WWC2: variants seen among roughly 807,000 people sequenced by gnomAD.
WWC2 encodes the protein WW and C2 domain containing 2.
A neutral mutation model predicts 138.5 loss-of-function variants in WWC2; 101 were observed. The observed-to-expected ratio is 0.73, with a 90% CI of 0.62 to 0.86. The LOEUF is 0.86. WWC2 is among the 40% of genes least tolerant of loss of function. WWC2 has a pLI of 0.00. For missense variants in WWC2, 1,420 were observed against 1,419.4 expected, an observed-to-expected ratio of 1.00 and a Z score of -0.01; for synonymous variants, 558 against 538.4, an observed-to-expected ratio of 1.04 and a Z score of -0.50.
intron 1 of WWC2, among the ~76,000 whole-genome samples, chr4:183,154,895 A>C (rs1733754050): frequency 6.6e-6 from 1 of 152,180 alleles, no homozygotes; most frequent in African/African-American, 2.4e-5. Context: ...CTCAGACCGC[A>C]GATAACAATC....
chr4:183,117,087 A>G (rs112810251), intron 1 of WWC2, among the ~76,000 whole-genome samples: 1 of 152,088 alleles, frequency 6.6e-6, no homozygotes, highest in Non-Finnish European at 1.5e-5. Context: ...CTCCTTTTCA[A>G]ATGTGCCACT....
chr4:183,249,743 A>G (rs993968477), intron 7 of WWC2, among the ~76,000 whole-genome samples, 177 bp from the exon 8 acceptor site: 1 of 152,238 alleles, frequency 6.6e-6, no homozygotes, highest in Non-Finnish European at 1.5e-5. Flanking sequence ...TTGAATTGAA[A>G]GAAATGTTTT....
At chr4:183,259,554 A>C (rs898903638) in intron 9 of WWC2, 85 bp from the exon 10 acceptor site, 17 of 1,059,884 alleles carry the variant, frequency 1.6e-5, no homozygotes, top group African/African-American at 3.2e-5. Flanking sequence ...TGTGATCTGT[A>C]ATGTTTGTAC....
At chr4:183,250,319 G>A (rs1040690721) in intron 8 of WWC2, among the ~76,000 whole-genome samples, 2 of 152,194 alleles carry the variant, frequency 1.3e-5, no homozygotes, top group African/African-American at 4.8e-5. Context: ...TGGTTGCTTT[G>A]ATGGAAATAT....
intron 1 of WWC2, among the ~76,000 whole-genome samples, chr4:183,193,073 T>A (rs1324718553): frequency 2.6e-5 from 4 of 152,178 alleles, no homozygotes; most frequent in Non-Finnish European, 5.9e-5. Context: ...TTTTGTTGAG[T>A]GACTGTTATG....
At position 183,235,793 on chromosome 4, in the gene WWC2, A is replaced by G. The variant is rs76097139; in HGVS notation, c.523-4390A>G. 8.5e-3 allele frequency among the ~76,000 whole-genome samples: 1,294 copies of G among 152,342 alleles called. 32 individuals carry two copies. The highest frequency in any genetic ancestry group is 0.029 in the African/African-American group (1,221 of 41,572). On this transcript the variant is annotated intron_variant, in intron 4 of 22. Transcript: ENST00000403733. ...TATTGTGAATCATGCTACAGTGAAC[A>G]TGGGAGCACTAATATCTCTTCAAGA...
chr4:183,231,805 A>G (rs1736254844), intron 4 of WWC2, among the ~76,000 whole-genome samples: 1 of 152,128 alleles, frequency 6.6e-6, no homozygotes, highest in Admixed American at 6.5e-5. Context: ...CTACAGGTAC[A>G]CACCACCACA....
At chr4:183,138,857 T>C (rs537016477) in intron 1 of WWC2, among the ~76,000 whole-genome samples, 1 of 152,332 alleles carries the variant, frequency 6.6e-6, no homozygotes, top group African/African-American at 2.4e-5. Flanking sequence ...TAGTCCTTCA[T>C]GTGGCTGGAA....
At position 183,226,100 on chromosome 4, in the gene WWC2, T is replaced by C. The variant is rs534617592; in HGVS notation, c.523-14083T>C. Among the ~76,000 whole-genome samples the C allele has an allele frequency of 2.2e-3, 321 of 147,896 alleles. 2 individuals are homozygous for C. Among genetic ancestry groups the C allele is most frequent in the South Asian group, 0.013 (62 of 4,662 alleles). ...CTTTTCTTTTCTTTTCTTTTCTTTT[T>C]TTTTTTTTTTTTTTGATACAGGGTC... is the stretch of plus-strand genomic sequence containing the variant. On this transcript the variant is annotated intron_variant, in intron 4 of 22. Transcript: ENST00000403733.
intron 1 of WWC2, among the ~76,000 whole-genome samples, chr4:183,125,758 C>T (rs1045106238): frequency 2.0e-5 from 3 of 152,142 alleles, no homozygotes; most frequent in African/African-American, 7.2e-5. Flanking sequence ...TATTTATCTT[C>T]GGTGTTCCAG....
At chr4:183,154,018 A>C (rs796938222) in intron 1 of WWC2, among the ~76,000 whole-genome samples, 19 of 143,176 alleles carry the variant, frequency 1.3e-4, no homozygotes, top group African/African-American at 5.4e-4. Flanking sequence ...AAAAAAAAAA[A>C]AAAAAAAAAA....
At chr4:183,125,319 C>G (rs1732727230) in intron 1 of WWC2, among the ~76,000 whole-genome samples, 1 of 152,094 alleles carries the variant, frequency 6.6e-6, no homozygotes. Context: ...TATGAGTGCT[C>G]CCTGACATCT....
chr4:183,246,342 A>G (rs1243388910), intron 6 of WWC2, among the ~76,000 whole-genome samples: 4 of 152,124 alleles, frequency 2.6e-5, no homozygotes, highest in Admixed American at 1.3e-4. Context: ...GTCCGCATCT[A>G]TGGGAAAATG....
At chr4:183,113,982 G>A (rs1416038391) in intron 1 of WWC2, among the ~76,000 whole-genome samples, 1 of 152,136 alleles carries the variant, frequency 6.6e-6, no homozygotes, top group Admixed American at 6.5e-5. Context: ...GAAAGACCGA[G>A]GGAGAATGTG....
intron 1 of WWC2, among the ~76,000 whole-genome samples, chr4:183,125,002 C>G (rs768680766): frequency 1.3e-5 from 2 of 152,174 alleles, no homozygotes; most frequent in African/African-American, 2.4e-5. Context: ...GAGCAGGAAG[C>G]ATTCCCAGTG....
chr4:183,196,686 T>G (rs919167512), intron 2 of WWC2, among the ~76,000 whole-genome samples: 15 of 152,184 alleles, frequency 9.9e-5, no homozygotes, highest in African/African-American at 3.4e-4. Flanking sequence ...ACCCTGTGCC[T>G]CCTCAGCTGG....
chr4:183,123,402 G>GGTGTGTGTGTGTGTGTGTGTGTGTGT lies in WWC2; in HGVS notation c.131+23787_131+23812dup, dbSNP rs67158904. ...GTTTAGAGAAACACAGCAAGTTTCA[G>GGTGTGTGTGTGTGTGTGTGTGTGTGT]GTGTGTGTGTGTGTGTGTGTGTGTG... On this transcript the variant is annotated intron_variant, in intron 1 of 22. Coordinates refer to ENST00000403733, the MANE Select transcript of WWC2 (RefSeq NM_024949.6). Among the ~76,000 whole-genome samples, 3 of 147,604 alleles carry GGTGTGTGTGTGTGTGTGTGTGTGTGT rather than the reference G, an allele frequency of 2.0e-5. No individual in the cohort carries two copies. The Admixed American group carries it at 2.0e-4, about 10-fold the overall frequency.
rs572104693 is a variant in WWC2 at position 183,179,766 on chromosome 4, G to T, written c.132-13833G>T. Among the ~76,000 whole-genome samples, 3 of 152,246 alleles carry T rather than the reference G, an allele frequency of 2.0e-5. No individual in the cohort carries two copies. In the East Asian group the frequency reaches 5.8e-4, roughly 29 times the overall value. On this transcript the variant is annotated intron_variant, in intron 1 of 22. Coordinates refer to ENST00000403733, the MANE Select transcript of WWC2 (RefSeq NM_024949.6). ...TACCCTGCTATGGAATGATCAGGGAGATGCTCTCTGATAAATCTGGACCTC... is the reference window on the plus strand; with the variant it reads ...TACCCTGCTATGGAATGATCAGGGATATGCTCTCTGATAAATCTGGACCTC...
At chr4:183,113,480 CTGTG>C (rs113602820) in intron 1 of WWC2, among the ~76,000 whole-genome samples, 60,124 of 143,392 alleles carry the variant, frequency 0.42, 12,755 homozygotes, top group Middle Eastern at 0.55. Context: ...AAGGTGGGGC[CTGTG>C]TGTGTGTGTG....
Sources: gnomAD v4.1 joint callset for allele counts (sites outside exome capture counted in the v4.1 genomes callset) on GRCh38, gnomAD v4.1.1 for gene constraint, MANE v1.5 for transcripts, NCBI Gene and HGNC (gene_info 2026-07-23, HGNC 2026-07-21) for gene names.